TTC28: variants seen among roughly 807,000 people sequenced by gnomAD.
TTC28 encodes tetratricopeptide repeat domain 28.
A neutral mutation model predicts 198.0 loss-of-function variants in TTC28; 61 were observed. The ratio of observed to expected loss-of-function variants is 0.31; its 90% CI spans 0.25 to 0.38. The LOEUF is 0.38. TTC28 is among the 10% of genes least tolerant of loss of function. The pLI, the probability that TTC28 is intolerant of heterozygous loss-of-function variation, is 1.00. For synonymous variants in TTC28, 1,171 were observed against 1,297.8 expected (o/e 0.90, Z 2.10); for missense variants, 2,678 against 3,164.0 (o/e 0.85, Z 3.69).
intron 5 of TTC28, among the ~76,000 whole-genome samples, chr22:28,266,938 T>G (rs1259673912): frequency 1.3e-5 from 2 of 151,280 alleles, no homozygotes; most frequent in Non-Finnish European, 2.9e-5. Context: ...AATGACAACG[T>G]GAGTTATATG....
chr22:28,656,706 T>A (rs991243715), intron 1 of TTC28, among the ~76,000 whole-genome samples: 10 of 152,194 alleles, frequency 6.6e-5, no homozygotes, highest in African/African-American at 1.9e-4. Flanking sequence ...CGTGCTACTC[T>A]GAAGTGTAAT....
At chr22:27,990,050 C>T (rs1421914911) in intron 20 of TTC28, 43 bp from the exon 21 acceptor site, 19 of 1,532,204 alleles carry the variant, frequency 1.2e-5, no homozygotes, top group Non-Finnish European at 1.6e-5. Context: ...GTCTCCTTCC[C>T]CTCCAGCCCA....
chr22:28,296,888 TA>T (rs2044906641), intron 4 of TTC28, among the ~76,000 whole-genome samples: 1 of 152,172 alleles, frequency 6.6e-6, no homozygotes, highest in Admixed American at 6.5e-5. Flanking sequence ...ACACAGCTAG[TA>T]AGTGGCAGAG....
At chr22:28,617,612 A>G (rs1345555726) in intron 2 of TTC28, among the ~76,000 whole-genome samples, 1 of 152,220 alleles carries the variant, frequency 6.6e-6, no homozygotes, top group Non-Finnish European at 1.5e-5. Context: ...ACAGTCACAA[A>G]TTCTTCCTCT....
At chr22:28,042,973 C>T (rs1208438518) in intron 12 of TTC28, among the ~76,000 whole-genome samples, 5 of 152,172 alleles carry the variant, frequency 3.3e-5, no homozygotes, top group South Asian at 2.1e-4. Flanking sequence ...GGGCCAGGCA[C>T]GGTGGCTCAT....
At chr22:28,035,771 T>C (rs906740809) in intron 12 of TTC28, among the ~76,000 whole-genome samples, 3 of 152,190 alleles carry the variant, frequency 2.0e-5, no homozygotes, top group Non-Finnish European at 4.4e-5. Flanking sequence ...TTTTTCTTAC[T>C]GACAATTAGT....
At chr22:28,610,152 T>C (rs1464602851) in intron 2 of TTC28, among the ~76,000 whole-genome samples, 2 of 152,112 alleles carry the variant, frequency 1.3e-5, no homozygotes, top group African/African-American at 2.4e-5. Context: ...GGTGTGGCCA[T>C]GGGTGCAGCT....
chr22:28,336,202 G>A (rs371875088), intron 2 of TTC28, among the ~76,000 whole-genome samples: 2 of 152,166 alleles, frequency 1.3e-5, no homozygotes, highest in Admixed American at 1.3e-4. Flanking sequence ...CTTGATCGTG[G>A]TGTATAAGCT....
At chr22:28,212,260 A>T (rs1750989159) in intron 5 of TTC28, among the ~76,000 whole-genome samples, 1 of 152,056 alleles carries the variant, frequency 6.6e-6, no homozygotes, top group Non-Finnish European at 1.5e-5. Flanking sequence ...AACAGAAGGC[A>T]AGAAATAACT....
chr22:28,082,391 C>T (rs935818146), intron 12 of TTC28, among the ~76,000 whole-genome samples: 2 of 152,116 alleles, frequency 1.3e-5, no homozygotes, highest in African/African-American at 4.8e-5. Flanking sequence ...GTGGATTTTT[C>T]ATATATGGCC....
At chr22:28,584,227 C>T (rs1011774357) in intron 2 of TTC28, among the ~76,000 whole-genome samples, 1 of 152,084 alleles carries the variant, frequency 6.6e-6, no homozygotes, top group Non-Finnish European at 1.5e-5. Flanking sequence ...CAACATAATT[C>T]CTTTTCTTCC....
chr22:28,210,404 G>A (rs560551250), intron 5 of TTC28, among the ~76,000 whole-genome samples: 2 of 152,228 alleles, frequency 1.3e-5, no homozygotes, highest in East Asian at 1.9e-4. Flanking sequence ...AAGATTGGAC[G>A]AGTGGCTAAC....
intron 2 of TTC28, among the ~76,000 whole-genome samples, chr22:28,425,807 C>T (rs774754855): frequency 3.3e-5 from 5 of 152,206 alleles, no homozygotes; most frequent in Non-Finnish European, 7.3e-5. Flanking sequence ...GTAAGGGCAA[C>T]TCTTCTGCCC....
chr22:28,007,763 A>T (rs1937986504), intron 14 of TTC28: 1 of 152,218 alleles, frequency 6.6e-6, no homozygotes, highest in African/African-American at 2.4e-5. Context: ...CACGCAGATG[A>T]CACTCATGTA....
rs919019641 is a variant in TTC28, at chr22:28,204,679, T to A, written c.934-41080A>T. Among the ~76,000 whole-genome samples the A allele has an allele frequency of 5.3e-5, 8 of 152,052 alleles. No homozygotes were observed. The East Asian group carries it at 1.6e-3, about 29-fold the overall frequency. On this transcript the variant is annotated intron_variant, in intron 5 of 22. Coordinates refer to ENST00000397906, the MANE Select transcript of TTC28 (RefSeq NM_001145418.2). Reference sequence around the variant, plus strand: ...CACACACAGCCAAACAGTAATTCATTAAAAAAACACTTAATCTTTGCCACA... The same window carrying A: ...CACACACAGCCAAACAGTAATTCATAAAAAAAACACTTAATCTTTGCCACA...
chr22:28,390,039 T>G (rs923062029), intron 2 of TTC28, among the ~76,000 whole-genome samples: 4 of 150,518 alleles, frequency 2.7e-5, no homozygotes, highest in Admixed American at 6.6e-5. Flanking sequence ...TCTGGTATGT[T>G]GTGTCTTTGT....
chr22:28,196,912 C>G (rs566181257), intron 5 of TTC28, among the ~76,000 whole-genome samples: 1 of 152,192 alleles, frequency 6.6e-6, no homozygotes, highest in Non-Finnish European at 1.5e-5. Context: ...CCAACCATTC[C>G]ATTACTTGGT....
At chr22:28,162,657 C>G (rs1054978622) in intron 6 of TTC28, among the ~76,000 whole-genome samples, 1 of 152,158 alleles carries the variant, frequency 6.6e-6, no homozygotes, top group Non-Finnish European at 1.5e-5. Context: ...GGAAATATAT[C>G]TAAAGAAAGA....
intron 2 of TTC28, among the ~76,000 whole-genome samples, chr22:28,559,055 T>A (rs2049830213): frequency 6.6e-6 from 1 of 151,708 alleles, no homozygotes; most frequent in African/African-American, 2.4e-5. Context: ...AAAGAGAGAA[T>A]TTCGGTTTAT....
Sources: gnomAD v4.1 joint callset for allele counts (sites outside exome capture counted in the v4.1 genomes callset) on GRCh38, gnomAD v4.1.1 for gene constraint, MANE v1.5 for transcripts, NCBI Gene and HGNC (gene_info 2026-07-23, HGNC 2026-07-21) for gene names.